The following PTPRD variants were observed in gnomAD, a reference collection of about 807,000 sequenced individuals.
PTPRD encodes receptor-type tyrosine-protein phosphatase delta.
In PTPRD, 34 loss-of-function variants were observed where a neutral mutation model predicts 214.5. The observed-to-expected ratio is 0.16, with a 90% confidence interval of 0.12 to 0.21. The LOEUF is 0.21. Ranked by LOEUF, PTPRD falls within the 10% of genes least tolerant of loss-of-function variation. The probability of loss-of-function intolerance (pLI) is 1.00; values close to 1 mark genes in which losing one functional copy is unlikely to be tolerated. For missense variants in PTPRD, 2,545 were observed against 2,398.7 expected, an observed-to-expected ratio of 1.06 and a Z score of -1.27; for synonymous variants, 1,128 against 845.7, an observed-to-expected ratio of 1.33 and a Z score of -5.79.
At chr9:10,408,076 G>A (rs1318580690) in intron 2 of PTPRD, among the ~76,000 whole-genome samples, 3 of 151,374 alleles carry the variant, frequency 2.0e-5, no homozygotes, top group African/African-American at 7.3e-5. Flanking sequence ...AGTTTACTAT[G>A]GTGATGAACC....
intron 2 of PTPRD, among the ~76,000 whole-genome samples, chr9:10,548,110 G>A (rs888277723): frequency 6.6e-6 from 1 of 151,890 alleles, no homozygotes; most frequent in Admixed American, 6.6e-5. Flanking sequence ...TTTTTAAAAA[G>A]CTTAAAAAAA....
intron 9 of PTPRD, among the ~76,000 whole-genome samples, chr9:9,368,647 G>T (rs2058553467): frequency 6.6e-6 from 1 of 151,830 alleles, no homozygotes; most frequent in Non-Finnish European, 1.5e-5. Flanking sequence ...CATTTTGGTG[G>T]ACTAATTCAG....
chr9:10,261,306 C>T (rs2093686355), intron 3 of PTPRD, among the ~76,000 whole-genome samples: 2 of 151,642 alleles, frequency 1.3e-5, no homozygotes, highest in Non-Finnish European at 2.9e-5. Flanking sequence ...AAAAGAAATG[C>T]TCTATGTCAT....
chr9:8,472,059 C>A (rs1434222091), intron 30 of PTPRD, among the ~76,000 whole-genome samples: 1 of 152,058 alleles, frequency 6.6e-6, no homozygotes, highest in African/African-American at 2.4e-5. Context: ...CTAGGTATAG[C>A]CTATAAGGCT....
chr9:9,913,855 C>A (rs2079918068), intron 5 of PTPRD, among the ~76,000 whole-genome samples: 1 of 152,108 alleles, frequency 6.6e-6, no homozygotes, highest in South Asian at 2.1e-4. Context: ...CTGCCATTAG[C>A]CAAGCTGCCA....
At chr9:8,723,982 T>A (rs1479468506) in intron 12 of PTPRD, among the ~76,000 whole-genome samples, 1 of 152,224 alleles carries the variant, frequency 6.6e-6, no homozygotes, top group East Asian at 1.9e-4. Flanking sequence ...GAAAACCTAT[T>A]GCAAATTGTA....
chr9:9,953,119 T>A (rs573130550), intron 4 of PTPRD, among the ~76,000 whole-genome samples: 19 of 152,152 alleles, frequency 1.2e-4, no homozygotes, highest in Non-Finnish European at 2.4e-4. Context: ...ATCCATTTTG[T>A]TCATACAGAA....
intron 12 of PTPRD, among the ~76,000 whole-genome samples, chr9:8,715,072 C>T (rs532782568): frequency 1.3e-4 from 20 of 151,704 alleles, no homozygotes; most frequent in South Asian, 6.2e-4. Context: ...AGAGAAAGCT[C>T]ACACTTCCAA....
intron 9 of PTPRD, among the ~76,000 whole-genome samples, chr9:9,381,115 G>T (rs573651636): frequency 1.3e-5 from 2 of 151,368 alleles, no homozygotes; most frequent in South Asian, 4.2e-4. Flanking sequence ...CATATAGTTG[G>T]GTCTTATATT....
intron 2 of PTPRD, among the ~76,000 whole-genome samples, chr9:10,575,505 T>A (rs369580930): frequency 2.6e-5 from 4 of 152,248 alleles, no homozygotes; most frequent in Middle Eastern, 3.4e-3. Flanking sequence ...AAATTAACTG[T>A]GCACATTCTC....
chr9:8,796,651 G>C (rs1219624981), intron 11 of PTPRD, among the ~76,000 whole-genome samples: 1 of 152,100 alleles, frequency 6.6e-6, no homozygotes, highest in East Asian at 1.9e-4. Flanking sequence ...TCATGTGCCT[G>C]ATAATCATGG....
At chr9:10,449,219 T>G (rs1004324952) in intron 2 of PTPRD, among the ~76,000 whole-genome samples, 2 of 151,942 alleles carry the variant, frequency 1.3e-5, no homozygotes, top group Admixed American at 1.3e-4. Flanking sequence ...TTTGTATTTT[T>G]TGGTGGAGAC....
At chr9:10,192,850 C>A (rs1045129008) in intron 3 of PTPRD, among the ~76,000 whole-genome samples, 1 of 152,114 alleles carries the variant, frequency 6.6e-6, no homozygotes, top group Non-Finnish European at 1.5e-5. Flanking sequence ...ACAATAGGGA[C>A]GTGTGAGTCT....
At chr9:9,710,002 G>C (rs2097695769) in intron 7 of PTPRD, among the ~76,000 whole-genome samples, 1 of 151,802 alleles carries the variant, frequency 6.6e-6, no homozygotes, top group African/African-American at 2.4e-5. Flanking sequence ...ATAGCATCAT[G>C]CTGATTACAT....
chr9:10,515,344 T>A (rs2049699266), intron 2 of PTPRD, among the ~76,000 whole-genome samples: 1 of 152,012 alleles, frequency 6.6e-6, no homozygotes, highest in African/African-American at 2.4e-5. Context: ...GGATATCTAA[T>A]GATAAAGCCT....
chr9:8,503,756 G>C (rs192827800), intron 23 of PTPRD, among the ~76,000 whole-genome samples: 1 of 152,160 alleles, frequency 6.6e-6, no homozygotes, highest in African/African-American at 2.4e-5. Flanking sequence ...ACTACACACA[G>C]AGTTAATAAG....
chr9:9,856,730 C>G (rs982806731), intron 5 of PTPRD, among the ~76,000 whole-genome samples: 2 of 152,100 alleles, frequency 1.3e-5, no homozygotes, highest in Admixed American at 6.5e-5. Context: ...CCTGCAGCAG[C>G]GGGATACTTT....
At chr9:9,289,751 G>A (rs571050620) in intron 9 of PTPRD, among the ~76,000 whole-genome samples, 9 of 151,654 alleles carry the variant, frequency 5.9e-5, no homozygotes, top group African/African-American at 2.2e-4. Context: ...TTTACATAAC[G>A]TCTCACAGGT....
chr9:10,442,439 G>C (rs1262756808), intron 2 of PTPRD, among the ~76,000 whole-genome samples: 1 of 151,576 alleles, frequency 6.6e-6, no homozygotes, highest in Admixed American at 6.6e-5. Flanking sequence ...ATAAGAATAA[G>C]TTTGATCCGA....
Sources: gnomAD v4.1 joint callset for allele counts (sites outside exome capture counted in the v4.1 genomes callset) on GRCh38, gnomAD v4.1.1 for gene constraint, MANE v1.5 for transcripts, NCBI Gene and HGNC (gene_info 2026-07-23, HGNC 2026-07-21) for gene names.